REEP3: variants seen among roughly 807,000 people sequenced by gnomAD.
REEP3 encodes the protein receptor accessory protein 3.
In REEP3, 20 loss-of-function variants were observed where a neutral mutation model predicts 41.3. That is an observed-to-expected ratio of 0.48 (90% confidence interval 0.34 to 0.70). The LOEUF (loss-of-function observed/expected upper bound fraction) is 0.70. Ranked by LOEUF, REEP3 falls within the 30% of genes least tolerant of loss-of-function variation. The pLI is 0.01. For missense variants in REEP3, 271 were observed against 308.8 expected, an observed-to-expected ratio of 0.88 and a Z score of 0.92; for synonymous variants, 104 against 101.8, an observed-to-expected ratio of 1.02 and a Z score of -0.13.
At chr10:63,593,738 T>G (rs1222718341) in intron 2 of REEP3, among the ~76,000 whole-genome samples, 8 of 152,192 alleles carry the variant, frequency 5.3e-5, no homozygotes, top group African/African-American at 1.9e-4. Context: ...CATGCTTCTA[T>G]GAGAAGGATA....
chr10:63,610,665 A>G (rs1956271004), intron 6 of REEP3, among the ~76,000 whole-genome samples: 1 of 152,114 alleles, frequency 6.6e-6, no homozygotes. Flanking sequence ...CATGATAACT[A>G]TCTGAATTTA....
chr10:63,607,846 G>A (rs962021684), intron 5 of REEP3, among the ~76,000 whole-genome samples: 5 of 152,160 alleles, frequency 3.3e-5, no homozygotes, highest in African/African-American at 1.2e-4. Context: ...GATTATGCTT[G>A]TTAAACATAC....
At chr10:63,600,971 G>A (rs1427441031) in intron 5 of REEP3, among the ~76,000 whole-genome samples, 1 of 152,008 alleles carries the variant, frequency 6.6e-6, no homozygotes. Flanking sequence ...TGGCCAACAT[G>A]GTGAAACCCC....
chr10:63,611,591 A>G (rs951411012), intron 6 of REEP3, among the ~76,000 whole-genome samples: 2 of 152,166 alleles, frequency 1.3e-5, no homozygotes, highest in African/African-American at 4.8e-5. Context: ...AAGGCTGAAA[A>G]CAAAGATTTT....
intron 1 of REEP3, among the ~76,000 whole-genome samples, chr10:63,551,213 A>G (rs1013070151): frequency 6.6e-6 from 1 of 152,308 alleles, no homozygotes; most frequent in East Asian, 1.9e-4. Context: ...AACAAAAACA[A>G]TGTAGGTATG....
chr10:63,583,700 A>G (rs183111238), intron 2 of REEP3, among the ~76,000 whole-genome samples: 17 of 152,346 alleles, frequency 1.1e-4, no homozygotes, highest in South Asian at 8.3e-4. Context: ...AGTCCAGTCT[A>G]TATTTGAATA....
chr10:63,569,556 T>G, intron 2 of REEP3, among the ~76,000 whole-genome samples: 1 of 152,094 alleles, frequency 6.6e-6, no homozygotes, highest in East Asian at 1.9e-4. Flanking sequence ...TTGAGAATAT[T>G]ATCAGTAAGC....
chr10:63,596,860 C>A (rs1302147523), intron 3 of REEP3, among the ~76,000 whole-genome samples: 1 of 152,144 alleles, frequency 6.6e-6, no homozygotes, highest in Non-Finnish European at 1.5e-5. Context: ...TCACCGCACC[C>A]TTGAACTCCT....
At chr10:63,523,919 A>G (rs897786892) in intron 1 of REEP3, among the ~76,000 whole-genome samples, 3 of 152,200 alleles carry the variant, frequency 2.0e-5, no homozygotes, top group African/African-American at 7.2e-5. Flanking sequence ...CTGGAAGACA[A>G]GGAGACTCCT....
chr10:63,623,212 C>A lies in REEP3; in HGVS notation c.*2343C>A, dbSNP rs1481832599. ...GTGCTTCCTCTGATATCTTTCCTTA[C>A]ATCATTATACACTGTTGATATCATT... On this transcript the variant is annotated 3_prime_UTR_variant, in exon 8 of 8. Coordinates refer to ENST00000373758, the MANE Select transcript of REEP3 (RefSeq NM_001001330.3). 1 of 152,208 alleles carries A rather than the reference C, an allele frequency of 6.6e-6. No homozygotes were observed. Among genetic ancestry groups the A allele is most frequent in the African/African-American group, 2.4e-5 (1 of 41,440 alleles). The allele number at this position is 152,208 out of a possible 1,614,324, so 9.4% of individuals were successfully genotyped here.
Position 63,623,494 on chromosome 10 carries a change from G to A in REEP3, c.*2625G>A, listed in dbSNP as rs1956370587. 6.6e-6 allele frequency: 1 copy of A among 152,250 alleles called. No individual in the cohort carries two copies. Among genetic ancestry groups the A allele is most frequent in the Admixed American group, 6.5e-5 (1 of 15,278 alleles). The allele number at this position is 152,250 out of a possible 1,614,324, so 9.4% of individuals were successfully genotyped here. ...GGGATTAGATGCACAAACCTATTTA[G>A]GGAACTATTTTGGTAGATGTTTGAG... On this transcript the variant is annotated 3_prime_UTR_variant, in exon 8 of 8. Transcript: ENST00000373758.
intron 2 of REEP3, among the ~76,000 whole-genome samples, chr10:63,588,036 C>T (rs1192554709): frequency 6.6e-6 from 1 of 152,220 alleles, no homozygotes; most frequent in Admixed American, 6.5e-5. Flanking sequence ...CCCTAGACAG[C>T]TCCCTTTCCC....
intron 2 of REEP3, among the ~76,000 whole-genome samples, chr10:63,585,857 A>G (rs1462797611): frequency 6.6e-6 from 1 of 152,124 alleles, no homozygotes; most frequent in Non-Finnish European, 1.5e-5. Context: ...ATTTCCTTGT[A>G]TACTTGGGGC....
At chr10:63,575,622 T>A (rs1955891710) in intron 2 of REEP3, among the ~76,000 whole-genome samples, 1 of 152,186 alleles carries the variant, frequency 6.6e-6, no homozygotes. Flanking sequence ...TCTGATTGAG[T>A]TTCTCAGTTT....
intron 1 of REEP3, among the ~76,000 whole-genome samples, chr10:63,553,176 G>C (rs1368073023): frequency 2.0e-5 from 3 of 152,168 alleles, no homozygotes; most frequent in Non-Finnish European, 4.4e-5. Flanking sequence ...AGAGGAGGGA[G>C]AGCTCACAAC....
chr10:63,597,683 G>T lies in REEP3; in HGVS notation c.183-341G>T, dbSNP rs1183416638. ...TCCCACCACTTTGGGAGGCCGAGGT[G>T]GGCGGATCACATGAGGTCAGGAGTT... On this transcript the variant is annotated intron_variant, in intron 3 of 7. Transcript: ENST00000373758. Among the ~76,000 whole-genome samples, 5 of 152,136 alleles carry T rather than the reference G, an allele frequency of 3.3e-5. No individual in the cohort carries two copies. The East Asian group carries it at 9.6e-4, about 29-fold the overall frequency.
At position 63,566,455 on chromosome 10, in the gene REEP3, A is replaced by G. The variant is rs1458115911; in HGVS notation, c.105+45A>G. On this transcript the variant is annotated intron_variant, in intron 2 of 7. Transcript: ENST00000373758. ...TGATTAATCTGAGTTTAATATTTTA[A>G]TGATACACACTGAAAAACTGCTATT... 7.4e-6 allele frequency: 8 copies of G among 1,084,328 alleles called. No individual in the cohort carries two copies. In the South Asian group the frequency reaches 8.6e-5, roughly 12 times the overall value. The allele number at this position is 1,084,328 out of a possible 1,614,324, so 67.2% of individuals were successfully genotyped here. A position where few individuals can be genotyped will look rare whatever the true frequency, so the allele number is the denominator to read the frequency against.
chr10:63,594,650 A>T, intron 2 of REEP3, 128 bp from the exon 3 acceptor site: 1 of 657,100 alleles, frequency 1.5e-6, no homozygotes. Flanking sequence ...CCAACATACT[A>T]TGTATCCAGA....
intron 1 of REEP3, 88 bp downstream of exon 1, chr10:63,521,665 TG>T: frequency 1.0e-6 from 1 of 1,004,288 alleles, no homozygotes; most frequent in Non-Finnish European, 1.3e-6. Flanking sequence ...AGGGAAGGCC[TG>T]GGCCTGGGCG....
Sources: gnomAD v4.1 joint callset for allele counts (sites outside exome capture counted in the v4.1 genomes callset) on GRCh38, gnomAD v4.1.1 for gene constraint, MANE v1.5 for transcripts, NCBI Gene and HGNC (gene_info 2026-07-23, HGNC 2026-07-21) for gene names.